Variants in IGF2R observed in about 807,000 individuals in gnomAD.
The protein encoded by IGF2R is insulin like growth factor 2 receptor.
IGF2R carries 91 observed loss-of-function variants against 270.6 expected under a neutral mutation model. The observed-to-expected ratio is 0.34, with a 90% confidence interval of 0.28 to 0.40. IGF2R has a LOEUF of 0.40. Ranked by LOEUF, IGF2R falls within the 10% of genes least tolerant of loss-of-function variation. IGF2R has a pLI of 1.00. For missense variants in IGF2R, 2,805 were observed against 3,188.3 expected, an observed-to-expected ratio of 0.88 and a Z score of 2.90; for synonymous variants, 1,316 against 1,258.9, an observed-to-expected ratio of 1.05 and a Z score of -0.96.
rs745709620 is a variant in IGF2R at position 160,083,952 on chromosome 6, A to G, written c.5836A>G (p.Asn1946Asp). The G allele has an allele frequency of 6.2e-7, 1 of 1,611,598 alleles. No individual in the cohort carries two copies. The highest frequency in any genetic ancestry group is 1.7e-5 in the Admixed American group (1 of 60,012). ...DHEWGFCRHS[N>D]SYRTSSIIFK... ...TCTCTTTTCCCTACACTCCCCAGCA[A>G]ACAGCTACCGGACATCCAGCATCAT... Residue 1946 changes from asparagine to aspartate, a missense_variant and splice_region_variant, in exon 40 of 48, where the codon AAC (asparagine) becomes GAC (aspartate). By Grantham distance (23) the Asn-to-Asp change is conservative. Around this residue, in one of 2 missense-constraint regions of IGF2R, gnomAD observed 1,851 missense variants for 2,207.2 expected, o/e 0.84. Coordinates refer to ENST00000356956, the MANE Select transcript of IGF2R (RefSeq NM_000876.4).
At chr6:159,994,639 G>A (rs928470570) in intron 2 of IGF2R, among the ~76,000 whole-genome samples, 2 of 151,802 alleles carry the variant, frequency 1.3e-5, no homozygotes, top group South Asian at 4.1e-4. Flanking sequence ...GGTCCATTGT[G>A]TCTCTATTTA....
intron 10 of IGF2R, among the ~76,000 whole-genome samples, chr6:160,034,731 CT>C (rs1777775691): frequency 6.6e-6 from 1 of 152,156 alleles, no homozygotes; most frequent in African/African-American, 2.4e-5. Flanking sequence ...CACACACATC[CT>C]GTTTGTGTTT....
chr6:160,091,315 G>A (rs1267015053), intron 44 of IGF2R, among the ~76,000 whole-genome samples: 3 of 111,094 alleles, frequency 2.7e-5, no homozygotes, highest in East Asian at 5.3e-4. Context: ...CAGGTGCTCC[G>A]TGCCCTGGTG....
chr6:160,044,433 T>TG lies in IGF2R; in HGVS notation c.1622-81_1622-80insG, dbSNP rs893110924. On this transcript the variant is annotated intron_variant, in intron 12 of 47. Coordinates refer to ENST00000356956, the MANE Select transcript of IGF2R (RefSeq NM_000876.4). Reference sequence around the variant, plus strand: ...TTCTTTCTTTCTTTCTCTTTCTTTCTTTTTTTTTTAAGTCACTTCTTTGTC... The same window carrying TG: ...TTCTTTCTTTCTTTCTCTTTCTTTCTGTTTTTTTTTAAGTCACTTCTTTGTC... The TG allele has an allele frequency of 3.8e-4, 327 of 849,822 alleles. 2 individuals are homozygous for TG. In the African/African-American group the frequency reaches 6.1e-3, roughly 16 times the overall value. 52.6% of individuals were successfully genotyped at this position (849,822 alleles called of 1,614,324 possible). A position where few individuals can be genotyped will look rare whatever the true frequency, so the allele number is the denominator to read the frequency against.
intron 25 of IGF2R, 37 bp downstream of exon 25, chr6:160,061,965 G>T (rs1778449720): frequency 6.3e-7 from 1 of 1,590,616 alleles, no homozygotes; most frequent in Middle Eastern, 1.7e-4. Context: ...GTTGTCCCCG[G>T]GTGACTCCAT....
chr6:160,097,744 A>G (rs1354496940), intron 45 of IGF2R, among the ~76,000 whole-genome samples: 9 of 152,230 alleles, frequency 5.9e-5, no homozygotes. Flanking sequence ...GGGACCGTAG[A>G]GTCAGCAGAC....
chr6:160,028,014 C>G (rs892536126), intron 6 of IGF2R, among the ~76,000 whole-genome samples: 1 of 152,130 alleles, frequency 6.6e-6, no homozygotes, highest in African/African-American at 2.4e-5. Flanking sequence ...AAAACTTGAG[C>G]GTAACCTGAG....
intron 1 of IGF2R, among the ~76,000 whole-genome samples, chr6:159,986,756 G>A (rs901892882): frequency 7.3e-6 from 1 of 136,234 alleles, no homozygotes; most frequent in African/African-American, 2.8e-5. Context: ...TTTTTTTTCT[G>A]TTGGCTTTTT....
intron 8 of IGF2R, 74 bp from the exon 9 acceptor site, chr6:160,032,868 C>A: frequency 7.1e-7 from 1 of 1,400,696 alleles, no homozygotes; most frequent in Non-Finnish European, 9.8e-7. Context: ...TCAGGTTTGA[C>A]TAAGTAAGAC....
Position 160,047,712 on chromosome 6 carries a change from C to T in IGF2R, c.2230-80C>T, listed in dbSNP as rs8191803. The T allele has an allele frequency of 4.9e-4, 434 of 889,236 alleles. 2 individuals carry two copies. The East Asian group carries it at 8.0e-3, about 16-fold the overall frequency. The allele number at this position is 889,236 out of a possible 1,614,324, so 55.1% of individuals were successfully genotyped here. On this transcript the variant is annotated intron_variant, in intron 16 of 47. Coordinates refer to ENST00000356956, the MANE Select transcript of IGF2R (RefSeq NM_000876.4). ...ACAGTTTCTCATTGGGAACATTGCT[C>T]TCGTCCTTTTTTGAATCCTGGTTTT...
At chr6:159,982,942 A>G (rs1419975895) in intron 1 of IGF2R, among the ~76,000 whole-genome samples, 1 of 152,212 alleles carries the variant, frequency 6.6e-6, no homozygotes, top group East Asian at 1.9e-4. Context: ...ACATCTTGCA[A>G]GCTATTGTGG....
At chr6:159,987,396 C>T (rs894359761) in intron 1 of IGF2R, among the ~76,000 whole-genome samples, 1 of 152,028 alleles carries the variant, frequency 6.6e-6, no homozygotes, top group Non-Finnish European at 1.5e-5. Context: ...TAGGCATATT[C>T]GTTTTTTCTT....
Position 160,075,969 on chromosome 6 carries a change from G to A in IGF2R, c.5289G>A (p.Ala1763=), listed in dbSNP as rs540023205. The part of the protein sequence containing the change: ...DKHFNYTSLI[A]FHCKRGVSMG... ...ATTTCAACTACACCTCGCTCATCGC[G>A]TTTCACTGTAAGAGAGGTGTGAGCA... Residue 1763 remains alanine (A), a synonymous_variant, in exon 36 of 48, where the codon GCG becomes GCA. Transcript: ENST00000356956. 22 of 1,614,150 alleles carry A rather than the reference G, an allele frequency of 1.4e-5. No individual in the cohort carries two copies. The highest frequency in any genetic ancestry group is 1.6e-4 in the Middle Eastern group (1 of 6,062).
At position 160,010,550 on chromosome 6, in the gene IGF2R, A is replaced by G. The variant is rs530215671; in HGVS notation, c.415-137A>G. On this transcript the variant is annotated intron_variant, in intron 3 of 47. Coordinates refer to ENST00000356956, the MANE Select transcript of IGF2R (RefSeq NM_000876.4). ...GGGAACCTCTTGATGACCCCGTTTA[A>G]CTAAAGCGGTTGCATCCCCTGCCCT... The G allele has an allele frequency of 3.6e-4, 210 of 589,842 alleles. No homozygotes were observed. In the African/African-American group the frequency reaches 3.6e-3, roughly 10 times the overall value. 36.5% of individuals were successfully genotyped at this position (589,842 alleles called of 1,614,324 possible). A position where few individuals can be genotyped will look rare whatever the true frequency, so the allele number is the denominator to read the frequency against.
chr6:160,058,968 T>C lies in IGF2R; in HGVS notation c.2961T>C (p.Cys987=). ...TCCTGGGAAAACCTGCTTCTGGCTG[T>C]GAGGCAGAAACCCAAACTGAAGAGC... ...GTILGKPASG[C]EAETQTEELK... Residue 987 remains cysteine (C), a synonymous_variant, in exon 22 of 48, where the codon TGT becomes TGC. Coordinates refer to ENST00000356956, the MANE Select transcript of IGF2R (RefSeq NM_000876.4). 6.2e-7 allele frequency: 1 copy of C among 1,614,172 alleles called. No individual in the cohort carries two copies. Among genetic ancestry groups the C allele is most frequent in the Non-Finnish European group, 8.5e-7 (1 of 1,180,028 alleles).
At chr6:160,065,449 G>T (rs1398894610) in intron 29 of IGF2R, among the ~76,000 whole-genome samples, 1 of 152,142 alleles carries the variant, frequency 6.6e-6, no homozygotes, top group African/African-American at 2.4e-5. Context: ...CCTTTGTCCT[G>T]TTGTGTCATC....
At chr6:160,047,386 G>C in intron 16 of IGF2R, 50 bp downstream of exon 16, 2 of 1,446,518 alleles carry the variant, frequency 1.4e-6, no homozygotes, top group East Asian at 2.3e-5. Flanking sequence ...TCATGCCTGT[G>C]GTGGGCCTTT....
intron 27 of IGF2R, 116 bp from the exon 28 acceptor site, chr6:160,064,285 G>C: frequency 8.6e-7 from 1 of 1,167,606 alleles, no homozygotes; most frequent in Non-Finnish European, 1.3e-6. Context: ...GGTGCTGGGA[G>C]GCCAGGGATA....
chr6:160,028,500 A>G (rs891094718), intron 6 of IGF2R, among the ~76,000 whole-genome samples: 3 of 152,220 alleles, frequency 2.0e-5, no homozygotes, highest in African/African-American at 7.2e-5. Flanking sequence ...TTGTGTGACG[A>G]TTTAGTAACA....
Sources: gnomAD v4.1 joint callset for allele counts (sites outside exome capture counted in the v4.1 genomes callset) on GRCh38, gnomAD v4.1.1 for gene constraint, gnomAD v4.1.1 regional missense constraint, MANE v1.5 for transcripts, NCBI Gene and HGNC (gene_info 2026-07-23, HGNC 2026-07-21) for gene names.